Variants in GRM8 observed in about 807,000 individuals in gnomAD.
The protein encoded by GRM8 is glutamate metabotropic receptor 8.
A neutral mutation model predicts 87.2 loss-of-function variants in GRM8; 47 were observed. That is an observed-to-expected ratio of 0.54 (90% CI 0.43 to 0.69). The LOEUF (loss-of-function observed/expected upper bound fraction) is 0.69, where lower values mean the gene tolerates loss of function less well. GRM8 is among the 30% of genes least tolerant of loss of function. The pLI is 0.00. For missense variants in GRM8, 1,019 were observed against 1,139.2 expected (o/e 0.89, Z 1.52); for synonymous variants, 396 against 404.5 (o/e 0.98, Z 0.25).
intron 6 of GRM8, among the ~76,000 whole-genome samples, chr7:126,787,551 ATAT>A (rs1385268701): frequency 6.6e-6 from 1 of 152,190 alleles, no homozygotes; most frequent in Non-Finnish European, 1.5e-5. Context: ...CATGTGAAAA[ATAT>A]TATTAAATCA....
At chr7:126,868,932 A>C (rs116346107) in intron 6 of GRM8, 2 of 152,318 alleles carry the variant, frequency 1.3e-5, no homozygotes, top group South Asian at 4.1e-4. Flanking sequence ...TTCCTTTCAC[A>C]TAAGATTTCT....
chr7:126,616,225 T>C (rs1190227103), intron 7 of GRM8, among the ~76,000 whole-genome samples: 2 of 152,168 alleles, frequency 1.3e-5, no homozygotes, highest in Admixed American at 6.5e-5. Context: ...AGAATCTCAC[T>C]CAAAACTGCT....
intron 7 of GRM8, among the ~76,000 whole-genome samples, chr7:126,761,821 C>G (rs973002222): frequency 2.0e-5 from 3 of 152,212 alleles, no homozygotes; most frequent in Non-Finnish European, 4.4e-5. Context: ...CCTTCTCTGT[C>G]ATGAATACCT....
In GRM8 at chr7:126,507,462, T is replaced by C. The variant is rs1038812393; in HGVS notation, c.2430+25490A>G. ...TTACTTAACAAATATTGGCTACAAATATATCATTTTTCTCATCTACAATCA... is the reference window on the plus strand; with the variant it reads ...TTACTTAACAAATATTGGCTACAAACATATCATTTTTCTCATCTACAATCA... On this transcript the variant is annotated intron_variant, in intron 9 of 10. Transcript: ENST00000339582. Among the ~76,000 whole-genome samples the C allele has an allele frequency of 7.2e-5, 11 of 152,196 alleles. No homozygotes were observed. In the South Asian group the frequency reaches 2.3e-3, roughly 32 times the overall value.
chr7:127,172,861 T>A (rs1793897654), intron 2 of GRM8, among the ~76,000 whole-genome samples: 2 of 152,228 alleles, frequency 1.3e-5, no homozygotes, highest in African/African-American at 4.8e-5. Context: ...ACATGCTTTG[T>A]ACCAACATGC....
chr7:127,159,227 T>A (rs1792935685), intron 2 of GRM8, among the ~76,000 whole-genome samples: 1 of 152,220 alleles, frequency 6.6e-6, no homozygotes, highest in Non-Finnish European at 1.5e-5. Context: ...ATACAGTTCT[T>A]CTTGTCTAAA....
At chr7:126,575,793 T>C (rs1267733459) in intron 8 of GRM8, among the ~76,000 whole-genome samples, 2 of 152,202 alleles carry the variant, frequency 1.3e-5, no homozygotes, top group Non-Finnish European at 1.5e-5. Flanking sequence ...TAAGGCAGTA[T>C]AATGAGTTTT....
rs189193791 is a variant in GRM8, at chr7:126,882,730, A to G, written c.1156+19812T>C. On this transcript the variant is annotated intron_variant, in intron 6 of 10. Coordinates refer to ENST00000339582, the MANE Select transcript of GRM8 (RefSeq NM_000845.3). ...TCCTCCAGAGTTCAGTTTCAGGGAA[A>G]TCTCTACAATAGGAGAGCCTCCTGA... Among the ~76,000 whole-genome samples, 549 of 152,148 alleles carry G rather than the reference A, an allele frequency of 3.6e-3. 4 individuals are homozygous for G. The highest frequency in any genetic ancestry group is 0.012 in the African/African-American group (518 of 41,462).
intron 7 of GRM8, among the ~76,000 whole-genome samples, chr7:126,727,704 T>TACACAC (rs3038844): frequency 0.03 from 4,257 of 141,842 alleles, 166 homozygotes; most frequent in African/African-American, 0.097. Context: ...TCTGAAATCA[T>TACACAC]ACACACACAC....
At chr7:126,608,183 T>C (rs1798556624) in intron 8 of GRM8, among the ~76,000 whole-genome samples, 1 of 145,290 alleles carries the variant, frequency 6.9e-6, no homozygotes, top group African/African-American at 2.5e-5. Context: ...TGGGCCTCCC[T>C]TATCCATCAA....
chr7:127,239,558 A>G (rs1798168815), intron 2 of GRM8, among the ~76,000 whole-genome samples: 1 of 152,232 alleles, frequency 6.6e-6, no homozygotes, highest in African/African-American at 2.4e-5. Context: ...TTGGAAAATT[A>G]GTATTTAAGA....
At position 126,827,101 on chromosome 7, in the gene GRM8, C is replaced by T. The variant is rs181380939; in HGVS notation, c.1157-57036G>A. On this transcript the variant is annotated intron_variant, in intron 6 of 10. Transcript: ENST00000339582. ...TCTCTGTTTTGGTAGCAGTACCATGCTGTTTTGGTTACTGTAGCCTTGTAG... is the reference window on the plus strand; with the variant it reads ...TCTCTGTTTTGGTAGCAGTACCATGTTGTTTTGGTTACTGTAGCCTTGTAG... Among the ~76,000 whole-genome samples, 283 of 152,296 alleles carry T rather than the reference C, an allele frequency of 1.9e-3. 7 individuals are homozygous for T. Among genetic ancestry groups the T allele is most frequent in the Admixed American group, 0.017 (263 of 15,304 alleles).
rs149407214 is a variant in GRM8 at position 127,148,416 on chromosome 7, C to CA, written c.511-41705dup. On this transcript the variant is annotated intron_variant, in intron 2 of 10. Coordinates refer to ENST00000339582, the MANE Select transcript of GRM8 (RefSeq NM_000845.3). ...CACTTTCAACAATAGATAGATGAAG[C>CA]AAAAAAAAAAAATAATAAGGAAATA... Among the ~76,000 whole-genome samples, 893 of 139,574 alleles carry CA rather than the reference C, an allele frequency of 6.4e-3. 1 individual carries two copies. Among genetic ancestry groups the CA allele is most frequent in the Admixed American group, 9.0e-3 (125 of 13,948 alleles). 91.6% of individuals were successfully genotyped at this position (139,574 alleles called of 152,430 possible).
chr7:126,659,528 C>A (rs985167873), intron 7 of GRM8, among the ~76,000 whole-genome samples: 1 of 152,142 alleles, frequency 6.6e-6, no homozygotes, highest in Admixed American at 6.5e-5. Flanking sequence ...CCATAATAAG[C>A]CTTCCACTTA....
At chr7:127,212,992 T>C (rs1362908378) in intron 2 of GRM8, among the ~76,000 whole-genome samples, 1 of 152,236 alleles carries the variant, frequency 6.6e-6, no homozygotes, top group Non-Finnish European at 1.5e-5. Flanking sequence ...AGCTATTGTT[T>C]GGTATTGTTC....
chr7:127,071,280 T>C (rs1223580291), intron 3 of GRM8, among the ~76,000 whole-genome samples: 1 of 152,210 alleles, frequency 6.6e-6, no homozygotes, highest in Admixed American at 6.5e-5. Context: ...TTTGAAAAAA[T>C]GTCCTAGTTT....
At chr7:126,580,623 AT>A (rs1795521643) in intron 8 of GRM8, among the ~76,000 whole-genome samples, 1 of 152,120 alleles carries the variant, frequency 6.6e-6, no homozygotes, top group East Asian at 1.9e-4. Flanking sequence ...ATGCTTTTGA[AT>A]TTTAGCTATG....
chr7:127,177,096 C>T (rs1323736023), intron 2 of GRM8, among the ~76,000 whole-genome samples: 2 of 152,116 alleles, frequency 1.3e-5, no homozygotes, highest in Non-Finnish European at 2.9e-5. Context: ...AGGTGGGTAG[C>T]CCAGTGCAAG....
chr7:127,242,299 GTAAAT>G (rs1192870329), intron 2 of GRM8, among the ~76,000 whole-genome samples: 1 of 152,152 alleles, frequency 6.6e-6, no homozygotes, highest in Non-Finnish European at 1.5e-5. Flanking sequence ...GTTTCACTCA[GTAAAT>G]TAAATAGCTC....
Sources: gnomAD v4.1 joint callset for allele counts (sites outside exome capture counted in the v4.1 genomes callset) on GRCh38, gnomAD v4.1.1 for gene constraint, MANE v1.5 for transcripts, NCBI Gene and HGNC (gene_info 2026-07-23, HGNC 2026-07-21) for gene names.